The following FAM83E variants were observed in gnomAD, a reference collection of about 807,000 sequenced individuals.
FAM83E encodes the protein scaffolding CK1 anchoring protein E, also known as protein FAM83E.
In FAM83E, 29 loss-of-function variants were observed where a neutral mutation model predicts 34.3. The ratio of observed to expected loss-of-function variants is 0.85; its 90% confidence interval spans 0.63 to 1.15. The LOEUF is 1.15. Among genes scored for constraint, FAM83E ranks in the 50% most tolerant of loss-of-function variants. FAM83E has a pLI of 0.00. For missense variants in FAM83E, 697 were observed against 685.0 expected (o/e 1.02, Z -0.20); for synonymous variants, 312 against 311.6 (o/e 1.00, Z -0.01).
In FAM83E at chr19:48,612,898, C is replaced by T. The variant is rs751876780; in HGVS notation, c.465+10G>A. 36 of 1,523,114 alleles carry T rather than the reference C, an allele frequency of 2.4e-5. No individual in the cohort carries two copies. The highest frequency in any genetic ancestry group is 2.6e-5 in the Non-Finnish European group (29 of 1,129,034). The allele number at this position is 1,523,114 out of a possible 1,614,324, so 94.3% of individuals were successfully genotyped here. A position where few individuals can be genotyped will look rare whatever the true frequency, so the allele number is the denominator to read the frequency against. ...CTGGTGAATGGACACAGGGCCCCCG[C>T]GACACCCACCTTGTGGGCAGCCTGG... On this transcript the variant is annotated intron_variant, in intron 3 of 6. Transcript: ENST00000263266.
rs1315855902 is a variant in FAM83E at position 48,614,276 on chromosome 19, T to C, written c.-904A>G. 1.0e-6 allele frequency: 1 copy of C among 985,358 alleles called. No homozygotes were observed. The highest frequency in any genetic ancestry group is 1.2e-6 in the Non-Finnish European group (1 of 830,066). The allele number at this position is 985,358 out of a possible 1,614,324, so 61.0% of individuals were successfully genotyped here. ...ACAGGTCTATGATCTTCACAGCCCA[T>C]CTAGGTGTGAGTGCCACCTAACCAG... On this transcript the variant is annotated 5_prime_UTR_variant, in exon 3 of 7. It removes an upstream start codon present in the reference 5' UTR. Transcript: ENST00000263266.
chr19:48,600,030 G>A lies in FAM83E; in HGVS notation c.*1079C>T, dbSNP rs991468015. On this transcript the variant is annotated 3_prime_UTR_variant, in exon 7 of 7. Transcript: ENST00000263266. ...GCTCCGGCAGACCCGCCCTCTCAGCGCCCACAGAAAGTCCCACCACCCACC... is the reference window on the plus strand; with the variant it reads ...GCTCCGGCAGACCCGCCCTCTCAGCACCCACAGAAAGTCCCACCACCCACC... 6.6e-6 allele frequency among the ~76,000 whole-genome samples: 1 copy of A among 152,094 alleles called. No homozygotes were observed. Among genetic ancestry groups the A allele is most frequent in the Non-Finnish European group, 1.5e-5 (1 of 68,006 alleles).
At chr19:48,606,491 G>T (rs1973930926) in intron 5 of FAM83E, among the ~76,000 whole-genome samples, 1 of 152,182 alleles carries the variant, frequency 6.6e-6, no homozygotes, top group Non-Finnish European at 1.5e-5. Flanking sequence ...GGAATATGGG[G>T]TCACTATGGG....
chr19:48,614,406 G>A lies in FAM83E; in HGVS notation c.-1034C>T, dbSNP rs1315558922. ...GCCCTACCCAAGCTGCCCCCAGCCT[G>A]GTTTCTGCCTAAATGCTATCTCCTG... On this transcript the variant is annotated 5_prime_UTR_variant, in exon 3 of 7. Transcript: ENST00000263266. 4.9e-5 allele frequency: 48 copies of A among 985,452 alleles called. No individual in the cohort carries two copies. The highest frequency in any genetic ancestry group is 5.3e-5 in the Non-Finnish European group (44 of 830,092). 61.0% of individuals were successfully genotyped at this position (985,452 alleles called of 1,614,324 possible). A position where few individuals can be genotyped will look rare whatever the true frequency, so the allele number is the denominator to read the frequency against.
In FAM83E at chr19:48,603,898, C is replaced by T; in HGVS notation, c.772G>A (p.Asp258Asn). Reference sequence around the variant, plus strand: ...ACCAGGCCTCGGTGCAGGCGTGCGTCACTCCACGTGAAGCTGGGGGTCGGG... The same window carrying T: ...ACCAGGCCTCGGTGCAGGCGTGCGTTACTCCACGTGAAGCTGGGGGTCGGG... ...ISGSYSFTWSDARLHRGLVTL... is the reference protein window; with the variant it reads ...ISGSYSFTWSNARLHRGLVTL... Residue 258 changes from aspartate to asparagine, a missense_variant, in exon 6 of 7, where the codon GAC becomes AAC. Coordinates refer to ENST00000263266, the MANE Select transcript of FAM83E (RefSeq NM_017708.4). The T allele has an allele frequency of 6.2e-7, 1 of 1,600,072 alleles. No individual in the cohort carries two copies. The highest frequency in any genetic ancestry group is 8.5e-7 in the Non-Finnish European group (1 of 1,173,532).
At chr19:48,607,337 C>A in intron 5 of FAM83E, 1 of 1,591,388 alleles carries the variant, frequency 6.3e-7, no homozygotes. Context: ...ATGCTGCTTC[C>A]TCCACGTTTG....
At chr19:48,606,659 G>C (rs1382655723) in intron 5 of FAM83E, 1 of 338,518 alleles carries the variant, frequency 3.0e-6, no homozygotes, top group Non-Finnish European at 5.5e-6. Context: ...GCCACCCCTT[G>C]GATTGTGACA....
At position 48,601,325 on chromosome 19, in the gene FAM83E, C is replaced by G. The variant is rs534561603; in HGVS notation, c.1221G>C (p.Leu407=). ...WGSKDTPAKA[L]MRQRGTGGGP... ...CTCCTCCAGTGCCCCGCTGCCTCAT[C>G]AGAGCCTTGGCTGGAGTGTCCTTGG... The change falls in exon 7 of 7, where the codon CTG becomes CTC. Residue 407 remains leucine, a synonymous_variant. Coordinates refer to ENST00000263266, the MANE Select transcript of FAM83E (RefSeq NM_017708.4). 24 of 1,567,080 alleles carry G rather than the reference C, an allele frequency of 1.5e-5. No homozygotes were observed. Among genetic ancestry groups the G allele is most frequent in the South Asian group, 1.4e-4 (12 of 85,806 alleles).
Position 48,614,124 on chromosome 19 carries a change from C to A in FAM83E, c.-752G>T. The A allele has an allele frequency of 4.1e-6, 4 of 985,738 alleles. No individual in the cohort carries two copies. Among genetic ancestry groups the A allele is most frequent in the Non-Finnish European group, 4.8e-6 (4 of 830,160 alleles). The allele number at this position is 985,738 out of a possible 1,614,324, so 61.1% of individuals were successfully genotyped here. On this transcript the variant is annotated 5_prime_UTR_variant, in exon 3 of 7. Coordinates refer to ENST00000263266, the MANE Select transcript of FAM83E (RefSeq NM_017708.4). The stretch of plus-strand genomic sequence containing the variant: ...GGGCCTGCTCGCTCAGCCTTAAAGG[C>A]CGAAGGCTTGGCAAACCCTTCCCTA...
At position 48,603,920 on chromosome 19, in the gene FAM83E, C is replaced by G. The variant is rs756301653; in HGVS notation, c.759-9G>C. On this transcript the variant is annotated splice_polypyrimidine_tract_variant and intron_variant, in intron 5 of 6. Coordinates refer to ENST00000263266, the MANE Select transcript of FAM83E (RefSeq NM_017708.4). ...CGTCACTCCACGTGAAGCTGGGGGT[C>G]GGGGAGTAGGGGGTCAGAGTCTCCA... is the stretch of plus-strand genomic sequence containing the variant. 3.3e-5 allele frequency: 52 copies of G among 1,589,222 alleles called. 1 individual carries two copies. The East Asian group carries it at 4.7e-4, about 14-fold the overall frequency.
At chr19:48,609,169 C>T (rs1229955960) in intron 5 of FAM83E, among the ~76,000 whole-genome samples, 1 of 151,862 alleles carries the variant, frequency 6.6e-6, no homozygotes, top group Non-Finnish European at 1.5e-5. Context: ...AATTTGAATC[C>T]AGGCCGTCTG....
At position 48,614,444 on chromosome 19, in the gene FAM83E, AC is replaced by A; in HGVS notation, c.-1073del. ...ATGCTATCTCCTGCCAGCTACCCGG[AC>A]GCTTCTTCCCGGACAGGGGCCAGTC... On this transcript the variant is annotated 5_prime_UTR_variant, in exon 3 of 7. Coordinates refer to ENST00000263266, the MANE Select transcript of FAM83E (RefSeq NM_017708.4). 5.1e-6 allele frequency: 5 copies of A among 985,310 alleles called. No homozygotes were observed. The highest frequency in any genetic ancestry group is 6.0e-6 in the Non-Finnish European group (5 of 830,078). 61.0% of individuals were successfully genotyped at this position (985,310 alleles called of 1,614,324 possible).
chr19:48,611,059 A>T (rs1051093652), intron 3 of FAM83E, among the ~76,000 whole-genome samples: 1 of 152,122 alleles, frequency 6.6e-6, no homozygotes, highest in Non-Finnish European at 1.5e-5. Context: ...CTGCCCCTCC[A>T]TGAGATCCCC....
rs200644995 is a variant in FAM83E at position 48,603,892 on chromosome 19, G to T, written c.778C>A (p.Arg260Ser). ...AGGGTCACCAGGCCTCGGTGCAGGC[G>T]TGCGTCACTCCACGTGAAGCTGGGG... ...GSYSFTWSDA[R>S]LHRGLVTLLT... The change falls in exon 6 of 7, where the codon CGC (arginine) becomes AGC (serine). Residue 260 changes from arginine (R) to serine (S), a missense_variant. By Grantham distance (110) the Arg-to-Ser change is moderately radical. Transcript: ENST00000263266. 2 of 1,602,124 alleles carry T rather than the reference G, an allele frequency of 1.2e-6. No individual in the cohort carries two copies. The highest frequency in any genetic ancestry group is 2.7e-5 in the African/African-American group (2 of 73,910).
At position 48,600,139 on chromosome 19, in the gene FAM83E, G is replaced by C. The variant is rs1601119178; in HGVS notation, c.*970C>G. Among the ~76,000 whole-genome samples the C allele has an allele frequency of 6.6e-6, 1 of 152,130 alleles. No individual in the cohort carries two copies. The highest frequency in any genetic ancestry group is 2.1e-4 in the South Asian group (1 of 4,828). On this transcript the variant is annotated 3_prime_UTR_variant, in exon 7 of 7. Coordinates refer to ENST00000263266, the MANE Select transcript of FAM83E (RefSeq NM_017708.4). Reference sequence around the variant, plus strand: ...TTTCCCCACAGCTCCTGAACACAGTGTGCCTGGCAGCGACTCCCCATCTTC... The same window carrying C: ...TTTCCCCACAGCTCCTGAACACAGTCTGCCTGGCAGCGACTCCCCATCTTC...
chr19:48,607,151 G>C, intron 5 of FAM83E: 1 of 1,612,970 alleles, frequency 6.2e-7, no homozygotes, highest in East Asian at 2.2e-5. Context: ...CCGGGCACTG[G>C]TCCGGTCATC....
chr19:48,609,741 G>A, intron 5 of FAM83E, 135 bp downstream of exon 5: 2 of 1,006,672 alleles, frequency 2.0e-6, no homozygotes. Flanking sequence ...CCTCCGCAGG[G>A]AAGAGTGTTT....
At chr19:48,607,746 C>CTTTTCCT (rs1555737461) in intron 5 of FAM83E, 8 of 154,468 alleles carry the variant, frequency 5.2e-5, no homozygotes, top group Non-Finnish European at 8.3e-5. Context: ...TTTTCTTTTC[C>CTTTTCCT]TTTTTTTTTT....
rs1369573454 is a variant in FAM83E at position 48,613,766 on chromosome 19, A to G, written c.-394T>C. ...TCTGCTCAGCCACACGACAGCCTCC[A>G]ACCCACCAGTCACACAGTGCCCAGT... On this transcript the variant is annotated 5_prime_UTR_variant, in exon 3 of 7. Transcript: ENST00000263266. The G allele has an allele frequency of 1.0e-6, 1 of 985,232 alleles. No homozygotes were observed. Among genetic ancestry groups the G allele is most frequent in the African/African-American group, 1.7e-5 (1 of 57,214 alleles). 61.0% of individuals were successfully genotyped at this position (985,232 alleles called of 1,614,324 possible). A position where few individuals can be genotyped will look rare whatever the true frequency, so the allele number is the denominator to read the frequency against.
Sources: allele counts gnomAD v4.1 joint callset (sites outside exome capture counted in the v4.1 genomes callset), GRCh38; gene constraint gnomAD v4.1.1; transcripts MANE v1.5; gene names NCBI Gene and HGNC (gene_info 2026-07-23, HGNC 2026-07-21).